Variants in TNS3 observed in about 807,000 individuals in gnomAD.
TNS3 encodes tensin 3.
Under a neutral mutation model 140.9 loss-of-function variants are expected in TNS3, and 45 were observed. The observed-to-expected ratio is 0.32, with a 90% confidence interval of 0.25 to 0.41. TNS3 has a LOEUF of 0.41. Among genes scored for constraint, TNS3 ranks in the 10% least tolerant of loss-of-function variants. The probability of loss-of-function intolerance (pLI) is 1.00; values close to 1 mark genes in which losing one functional copy is unlikely to be tolerated. For missense variants in TNS3, 1,716 were observed against 1,906.7 expected (o/e 0.90, Z 1.86); for synonymous variants, 815 against 788.4 (o/e 1.03, Z -0.56).
intron 3 of TNS3, among the ~76,000 whole-genome samples, chr7:47,485,642 C>T (rs539383114): frequency 7.9e-5 from 12 of 152,374 alleles, no homozygotes; most frequent in African/African-American, 2.9e-4. Context: ...GCTGTGGCAT[C>T]CCCGGGATCC....
chr7:47,439,874 G>A (rs1795376266), intron 5 of TNS3, among the ~76,000 whole-genome samples: 1 of 152,152 alleles, frequency 6.6e-6, no homozygotes, highest in South Asian at 2.1e-4. Context: ...AATTTTCCTA[G>A]CAGGGCATGA....
intron 13 of TNS3, among the ~76,000 whole-genome samples, chr7:47,406,008 G>A (rs774819977): frequency 2.6e-5 from 4 of 152,096 alleles, no homozygotes; most frequent in East Asian, 3.9e-4. Context: ...GGAGCAAGCC[G>A]GATCAGGCCC....
At chr7:47,380,550 T>C (rs906019358) in intron 16 of TNS3, among the ~76,000 whole-genome samples, 2 of 152,246 alleles carry the variant, frequency 1.3e-5, no homozygotes, top group East Asian at 3.9e-4. Flanking sequence ...ACATTCCTTC[T>C]TGCCCGGTTA....
At chr7:47,447,861 C>T (rs1254424213) in intron 4 of TNS3, among the ~76,000 whole-genome samples, 1 of 152,202 alleles carries the variant, frequency 6.6e-6, no homozygotes, top group Non-Finnish European at 1.5e-5. Context: ...GAGAACCATG[C>T]TTTCCACTGT....
intron 8 of TNS3, among the ~76,000 whole-genome samples, chr7:47,433,060 A>C (rs1795000670): frequency 2.0e-5 from 3 of 152,140 alleles, no homozygotes; most frequent in Non-Finnish European, 4.4e-5. Context: ...AGGGGTGAGG[A>C]GGAGACTGCA....
At chr7:47,445,499 C>G (rs1247304293) in intron 4 of TNS3, among the ~76,000 whole-genome samples, 3 of 152,200 alleles carry the variant, frequency 2.0e-5, no homozygotes, top group East Asian at 3.8e-4. Flanking sequence ...GGTCCACACC[C>G]TCTCCTGCAC....
intron 28 of TNS3, 32 bp downstream of exon 28, chr7:47,283,665 T>C (rs775990680): frequency 6.6e-7 from 1 of 1,511,236 alleles, no homozygotes; most frequent in Non-Finnish European, 8.9e-7. Flanking sequence ...CCGCCCCTGC[T>C]GGACGGCTCC....
chr7:47,578,210 G>C (rs141449779), intron 1 of TNS3, among the ~76,000 whole-genome samples: 6,348 of 152,140 alleles, frequency 0.042, 452 homozygotes, highest in African/African-American at 0.15. Context: ...CTACTTGGGA[G>C]GCTGAGGCTG....
chr7:47,524,651 A>C (rs1361385936), intron 2 of TNS3, among the ~76,000 whole-genome samples: 1 of 145,512 alleles, frequency 6.9e-6, no homozygotes, highest in Non-Finnish European at 1.5e-5. Context: ...AAATACAAAA[A>C]ATTAGCCGGG....
chr7:47,300,747 G>C (rs891387385), intron 23 of TNS3, among the ~76,000 whole-genome samples: 1 of 152,222 alleles, frequency 6.6e-6, no homozygotes, highest in Non-Finnish European at 1.5e-5. Context: ...CCAGCTGGAG[G>C]AGGTGCCGAG....
At chr7:47,314,511 G>A (rs1050017633) in intron 20 of TNS3, among the ~76,000 whole-genome samples, 1 of 152,218 alleles carries the variant, frequency 6.6e-6, no homozygotes, top group African/African-American at 2.4e-5. Context: ...AAGTGAGGAT[G>A]ATCTACCTAC....
intron 28 of TNS3, among the ~76,000 whole-genome samples, chr7:47,283,427 T>A (rs1785248749): frequency 6.6e-6 from 1 of 152,252 alleles, no homozygotes; most frequent in African/African-American, 2.4e-5. Context: ...TATGTGTGTA[T>A]GTGTGTAATT....
Position 47,393,957 on chromosome 7 carries a change from C to T in TNS3, c.1024+2843G>A, listed in dbSNP as rs183378449. Among the ~76,000 whole-genome samples the T allele has an allele frequency of 5.4e-3, 817 of 152,214 alleles. 3 individuals carry two copies. The highest frequency in any genetic ancestry group is 7.9e-3 in the Non-Finnish European group (538 of 68,002). On this transcript the variant is annotated intron_variant, in intron 16 of 30. Transcript: ENST00000311160. ...TCTACTCGCCCCTAGACCCAACTCT[C>T]GGTGACACAGAGTCCCGAGTGCATG...
intron 20 of TNS3, among the ~76,000 whole-genome samples, chr7:47,330,754 G>A (rs6951146): frequency 0.26 from 39,749 of 151,902 alleles, 5,713 homozygotes; most frequent in South Asian, 0.34. Context: ...GAGCTGGGGC[G>A]CCCAGAGAAG....
At chr7:47,582,521 CCCTCCCT>C (rs2152035961), upstream of TNS3, 1 of 456,352 alleles carries the variant, frequency 2.2e-6, no homozygotes, top group South Asian at 1.5e-5. Context: ...GCAAGACCTA[CCCTCCCT>C]CCTGTAGCTC....
At position 47,375,500 on chromosome 7, in the gene TNS3, C is replaced by T. The variant is rs547062866; in HGVS notation, c.1025-5879G>A. Among the ~76,000 whole-genome samples the T allele has an allele frequency of 3.3e-5, 5 of 152,324 alleles. No homozygotes were observed. The South Asian group carries it at 1.0e-3, about 32-fold the overall frequency. On this transcript the variant is annotated intron_variant, in intron 16 of 30. Transcript: ENST00000311160. ...CATACATTCTTGTCTCCTTGGAGGACTTGCAGCAACAGACTTCCTCACCCA... is the reference window on the plus strand; with the variant it reads ...CATACATTCTTGTCTCCTTGGAGGATTTGCAGCAACAGACTTCCTCACCCA...
chr7:47,462,035 G>A (rs1272633773), intron 4 of TNS3, among the ~76,000 whole-genome samples: 2 of 152,188 alleles, frequency 1.3e-5, no homozygotes, highest in Non-Finnish European at 2.9e-5. Flanking sequence ...AGGGTGGGAT[G>A]GTACGTCAAA....
In TNS3 at chr7:47,285,030, C is replaced by A. The variant is rs190342196; in HGVS notation, c.3929-1165G>T. Among the ~76,000 whole-genome samples, 157 of 152,242 alleles carry A rather than the reference C, an allele frequency of 1.0e-3. 1 individual carries two copies. Among genetic ancestry groups the A allele is most frequent in the African/African-American group, 3.4e-3 (142 of 41,544 alleles). ...ACAGATGTGTTGGCAGGTGGTTTGG[C>A]AGGTATGTTGGTAGACGTTCTGGCA... On this transcript the variant is annotated intron_variant, in intron 27 of 30. Transcript: ENST00000311160.
chr7:47,354,872 G>A (rs960235481), intron 17 of TNS3, among the ~76,000 whole-genome samples: 1 of 152,102 alleles, frequency 6.6e-6, no homozygotes, highest in African/African-American at 2.4e-5. Context: ...GTCTCCAAAG[G>A]TCACATGACT....
Sources: allele counts gnomAD v4.1 joint callset (sites outside exome capture counted in the v4.1 genomes callset), GRCh38; gene constraint gnomAD v4.1.1; transcripts MANE v1.5; gene names NCBI Gene and HGNC (gene_info 2026-07-23, HGNC 2026-07-21).